Variants in GALNT3 observed in about 807,000 individuals in gnomAD.
The protein encoded by GALNT3 is polypeptide N-acetylgalactosaminyltransferase 3, also known as GalNAc transferase 3.
Under a neutral mutation model 69.8 loss-of-function variants are expected in GALNT3, and 51 were observed. The observed-to-expected ratio is 0.73, with a 90% CI of 0.58 to 0.92. The LOEUF (loss-of-function observed/expected upper bound fraction) is 0.92, where lower values mean the gene tolerates loss of function less well. Ranked by LOEUF, GALNT3 falls within the 40% of genes least tolerant of loss-of-function variation. GALNT3 has a pLI of 0.00. For missense variants in GALNT3, 711 were observed against 760.0 expected (o/e 0.94, Z 0.76); for synonymous variants, 265 against 248.5 (o/e 1.07, Z -0.63).
chr2:165,749,960 T>C (rs1401033951), intron 9 of GALNT3, 66 bp from the exon 10 acceptor site: 42 of 1,367,234 alleles, frequency 3.1e-5, no homozygotes, highest in Non-Finnish European at 4.3e-5. Flanking sequence ...AATAAATAAA[T>C]AAATCAGCAA....
rs751916901 is a variant in GALNT3 at position 165,755,008 on chromosome 2, T to G, written c.1448A>C (p.Lys483Thr). 4 of 1,612,594 alleles carry G rather than the reference T, an allele frequency of 2.5e-6. No homozygotes were observed. Among genetic ancestry groups the G allele is most frequent in the Non-Finnish European group, 3.4e-6 (4 of 1,178,784 alleles). Reference protein sequence around the residue: ...RFEIKHRLQCKNFTWYLNNIY... With the variant: ...RFEIKHRLQCTNFTWYLNNIY... ...GTTGTTCAGATACCATGTAAAATTT[T>G]TACACTGAAGGCGGTGTTTTATTTC... Residue 483 changes from lysine (K) to threonine (T), a missense_variant, in exon 8 of 11, where the codon AAA (lysine) becomes ACA (threonine). Lys to Thr is a moderately conservative substitution (Grantham distance 78). Coordinates refer to ENST00000392701, the MANE Select transcript of GALNT3 (RefSeq NM_004482.4).
chr2:165,773,475 T>C (rs1313775070), intron 1 of GALNT3, among the ~76,000 whole-genome samples: 1 of 152,128 alleles, frequency 6.6e-6, no homozygotes, highest in Non-Finnish European at 1.5e-5. Context: ...AACAAACTAA[T>C]ACAAATGAGT....
chr2:165,790,590 G>C (rs1345547061), intron 1 of GALNT3, among the ~76,000 whole-genome samples: 1 of 151,780 alleles, frequency 6.6e-6, no homozygotes, highest in Admixed American at 6.6e-5. Flanking sequence ...GATGATTCAG[G>C]CACTGATCAT....
chr2:165,768,884 C>G (rs1057382003), intron 2 of GALNT3, among the ~76,000 whole-genome samples: 1 of 151,232 alleles, frequency 6.6e-6, no homozygotes, highest in East Asian at 2.0e-4. Flanking sequence ...CAACCTCTGC[C>G]CCCAGGTTCA....
In GALNT3 at chr2:165,753,015, C is replaced by T. The variant is rs112968955; in HGVS notation, c.1626+1612G>A. The stretch of plus-strand genomic sequence containing the variant: ...ATCCTATTTCAGAATTACACCTTAA[C>T]CATCCAGCAATAGATCCAGTTCACC... On this transcript the variant is annotated intron_variant, in intron 9 of 10. Coordinates refer to ENST00000392701, the MANE Select transcript of GALNT3 (RefSeq NM_004482.4). 3.4e-3 allele frequency among the ~76,000 whole-genome samples: 512 copies of T among 152,224 alleles called. 1 individual carries two copies. Among genetic ancestry groups the T allele is most frequent in the African/African-American group, 0.012 (486 of 41,550 alleles).
At chr2:165,766,903 T>C (rs576936650) in intron 2 of GALNT3, among the ~76,000 whole-genome samples, 1 of 152,148 alleles carries the variant, frequency 6.6e-6, no homozygotes, top group South Asian at 2.1e-4. Flanking sequence ...GGGTAAAATA[T>C]CAAGAGAAGA....
chr2:165,774,858 C>T (rs1225737017), intron 1 of GALNT3, among the ~76,000 whole-genome samples: 1 of 146,298 alleles, frequency 6.8e-6, no homozygotes, highest in Non-Finnish European at 1.5e-5. Flanking sequence ...ACATTTAATA[C>T]ATAAGTTCTC....
chr2:165,772,277 C>T lies in GALNT3; in HGVS notation c.-108-1469G>A, dbSNP rs78283534. Among the ~76,000 whole-genome samples, 42 of 152,052 alleles carry T rather than the reference C, an allele frequency of 2.8e-4. No homozygotes were observed. In the East Asian group the frequency reaches 6.4e-3, roughly 23 times the overall value. ...TCACAAAGCAGTGTGATATGTGCTA[C>T]GACAGGAGACTAAGAAAGCTACACA... On this transcript the variant is annotated intron_variant, in intron 1 of 10. Coordinates refer to ENST00000392701, the MANE Select transcript of GALNT3 (RefSeq NM_004482.4).
In GALNT3 at chr2:165,757,254, A is replaced by G. The variant is rs1470800874; in HGVS notation, c.1192-7T>C. On this transcript the variant is annotated splice_polypyrimidine_tract_variant and splice_region_variant and intron_variant, in intron 6 of 10. Coordinates refer to ENST00000392701, the MANE Select transcript of GALNT3 (RefSeq NM_004482.4). The stretch of plus-strand genomic sequence containing the variant: ...GCCCACCACATTGCCATACCTGATA[A>G]TTAATGATATTTGTTTAAATTTACA... The G allele has an allele frequency of 6.2e-7, 1 of 1,611,350 alleles. No individual in the cohort carries two copies. The highest frequency in any genetic ancestry group is 2.2e-5 in the East Asian group (1 of 44,858).
chr2:165,752,705 A>G (rs1051952948), intron 9 of GALNT3, among the ~76,000 whole-genome samples: 2 of 152,208 alleles, frequency 1.3e-5, no homozygotes, highest in African/African-American at 4.8e-5. Flanking sequence ...TGCTAGAAGA[A>G]GCCTAAGAGA....
intron 2 of GALNT3, among the ~76,000 whole-genome samples, chr2:165,765,963 A>G (rs1369026859): frequency 1.3e-5 from 2 of 152,128 alleles, no homozygotes; most frequent in African/African-American, 2.4e-5. Flanking sequence ...TTTATTTAAA[A>G]TAGAGACAGT....
chr2:165,792,461 C>T (rs1288474619), intron 1 of GALNT3, among the ~76,000 whole-genome samples: 1 of 152,028 alleles, frequency 6.6e-6, no homozygotes, highest in Non-Finnish European at 1.5e-5. Flanking sequence ...CAGGTGAGAT[C>T]CTTTTAAGAA....
In GALNT3 at chr2:165,762,065, A is replaced by G. The variant is rs1245895487; in HGVS notation, c.689-11T>C. 1 of 1,514,098 alleles carries G rather than the reference A, an allele frequency of 6.6e-7. No individual in the cohort carries two copies. The highest frequency in any genetic ancestry group is 1.7e-5 in the Admixed American group (1 of 59,710). 93.8% of individuals were successfully genotyped at this position (1,514,098 alleles called of 1,614,324 possible). A position where few individuals can be genotyped will look rare whatever the true frequency, so the allele number is the denominator to read the frequency against. ...TATCATGTAAGTACTCTGTAAGGAA[A>G]AAAAATCAGGGTTAATTCTTTCTAA... On this transcript the variant is annotated splice_polypyrimidine_tract_variant and intron_variant, in intron 3 of 10. Coordinates refer to ENST00000392701, the MANE Select transcript of GALNT3 (RefSeq NM_004482.4).
intron 6 of GALNT3, 118 bp from the exon 7 acceptor site, chr2:165,757,365 A>G (rs1688464774): frequency 4.3e-6 from 4 of 930,528 alleles, no homozygotes; most frequent in South Asian, 4.2e-5. Flanking sequence ...TTACAATATT[A>G]CAAATAGTCT....
chr2:165,769,407 AAATAATAATAATAAT>A (rs35161167), intron 2 of GALNT3, among the ~76,000 whole-genome samples: 13 of 131,384 alleles, frequency 9.9e-5, no homozygotes, highest in South Asian at 7.7e-4. Context: ...CTCCATCTCA[AAATAATAATAATAAT>A]AATAATAATA....
intron 1 of GALNT3, chr2:165,793,672 C>T (rs1031212432): frequency 6.6e-6 from 1 of 152,418 alleles, no homozygotes; most frequent in African/African-American, 2.4e-5. Context: ...GGCCCTCCCT[C>T]TCAGGGTCCC....
chr2:165,758,843 T>C lies in GALNT3; in HGVS notation c.1095A>G (p.Gly365=), dbSNP rs1688492598. ...YPIKTPTFAG[G]LFSISKEYFE... ...AATATTCTTTTGATATGGAAAAAAG[T>C]CCTCCTGCAAAAGTGGGTGTTCTGA... The change falls in exon 6 of 11, where the codon GGA becomes GGG. Residue 365 remains glycine (G), a synonymous_variant. Coordinates refer to ENST00000392701, the MANE Select transcript of GALNT3 (RefSeq NM_004482.4). 1 of 1,609,264 alleles carries C rather than the reference T, an allele frequency of 6.2e-7. No homozygotes were observed. Among genetic ancestry groups the C allele is most frequent in the Non-Finnish European group, 8.5e-7 (1 of 1,175,832 alleles).
At chr2:165,768,346 T>G (rs1350713423) in intron 2 of GALNT3, among the ~76,000 whole-genome samples, 1 of 152,202 alleles carries the variant, frequency 6.6e-6, no homozygotes, top group Non-Finnish European at 1.5e-5. Flanking sequence ...CTGTCACTGA[T>G]TGTCATGTCA....
intron 1 of GALNT3, among the ~76,000 whole-genome samples, chr2:165,790,031 C>A (rs952463507): frequency 4.6e-5 from 7 of 152,164 alleles, no homozygotes; most frequent in African/African-American, 1.4e-4. Context: ...AGAGAGTGAG[C>A]AGGTTGTTTG....
Sources: allele counts gnomAD v4.1 joint callset (sites outside exome capture counted in the v4.1 genomes callset), GRCh38; gene constraint gnomAD v4.1.1; transcripts MANE v1.5; gene names NCBI Gene and HGNC (gene_info 2026-07-23, HGNC 2026-07-21).